TRIB2: variants seen among roughly 807,000 people sequenced by gnomAD.
The protein encoded by TRIB2 is tribbles pseudokinase 2, also known as tribbles homolog 2.
Under a neutral mutation model 26.8 loss-of-function variants are expected in TRIB2, and 2 were observed. That is an observed-to-expected ratio of 0.07 (90% CI 0.03 to 0.24). The LOEUF is 0.24. TRIB2 is among the 10% of genes least tolerant of loss of function. The pLI, the probability that TRIB2 is intolerant of heterozygous loss-of-function variation, is 1.00. For synonymous variants in TRIB2, 189 were observed against 187.3 expected (o/e 1.01, Z -0.08); for missense variants, 306 against 449.0 (o/e 0.68, Z 2.88).
chr2:12,721,866 C>T lies in TRIB2; in HGVS notation c.271-1394C>T, dbSNP rs1572477890. On this transcript the variant is annotated intron_variant, in intron 1 of 2. Transcript: ENST00000155926. ...AACTCATGGATTCTTAAATAGCAGT[C>T]TGTGGCTTTGGATGGGCTTCAGAAA... Among the ~76,000 whole-genome samples, 5 of 152,276 alleles carry T rather than the reference C, an allele frequency of 3.3e-5. 1 individual carries two copies. Among genetic ancestry groups the T allele is most frequent in the Admixed American group, 6.5e-5 (1 of 15,280 alleles).
intron 2 of TRIB2, among the ~76,000 whole-genome samples, chr2:12,726,676 G>A (rs1171906150): frequency 6.6e-6 from 1 of 152,242 alleles, no homozygotes; most frequent in African/African-American, 2.4e-5. Context: ...GTCCCACGGT[G>A]AAAAAGCAAA....
intron 2 of TRIB2, among the ~76,000 whole-genome samples, chr2:12,724,187 G>A (rs1431841267): frequency 6.6e-6 from 1 of 152,178 alleles, no homozygotes; most frequent in African/African-American, 2.4e-5. Context: ...CTCGAAAGAT[G>A]ACTGGATTTC....
chr2:12,729,314 A>G (rs1001446167), intron 2 of TRIB2, among the ~76,000 whole-genome samples: 27 of 152,208 alleles, frequency 1.8e-4, no homozygotes, highest in Non-Finnish European at 2.6e-4. Context: ...TGCTTCTGGA[A>G]CAGGTTGGGC....
In TRIB2 at chr2:12,723,215, C is replaced by T. The variant is rs760389021; in HGVS notation, c.271-45C>T. The T allele has an allele frequency of 5.7e-6, 9 of 1,577,040 alleles. No individual in the cohort carries two copies. In the South Asian group the frequency reaches 9.3e-5, roughly 16 times the overall value. ...TGCAGCATTATGTGTTTTGGTTGTA[C>T]AAGAGGCACCTCTGACTTTGGTCTT... On this transcript the variant is annotated intron_variant, in intron 1 of 2. Coordinates refer to ENST00000155926, the MANE Select transcript of TRIB2 (RefSeq NM_021643.4).
chr2:12,742,729 C>A lies in TRIB2; in HGVS notation c.*1935C>A, dbSNP rs1271324736. The A allele has an allele frequency of 6.6e-6, 1 of 152,468 alleles. No homozygotes were observed. The highest frequency in any genetic ancestry group is 2.1e-4 in the South Asian group (1 of 4,824). 9.4% of individuals were successfully genotyped at this position (152,468 alleles called of 1,614,324 possible). ...AATCAATAAAATTGTGCGTATTTAA[C>A]TAAAATGCTGGAGTCTGGAAAATGA... On this transcript the variant is annotated 3_prime_UTR_variant, in exon 3 of 3. Coordinates refer to ENST00000155926, the MANE Select transcript of TRIB2 (RefSeq NM_021643.4).
At chr2:12,722,649 A>G (rs1661245036) in intron 1 of TRIB2, among the ~76,000 whole-genome samples, 1 of 145,408 alleles carries the variant, frequency 6.9e-6, no homozygotes, top group Non-Finnish European at 1.6e-5. Flanking sequence ...TTCCCTATTC[A>G]GAAGGATTCT....
At position 12,721,059 on chromosome 2, in the gene TRIB2, G is replaced by A. The variant is rs138770066; in HGVS notation, c.271-2201G>A. Among the ~76,000 whole-genome samples, 7 of 152,276 alleles carry A rather than the reference G, an allele frequency of 4.6e-5. No individual in the cohort carries two copies. In the East Asian group the frequency reaches 5.8e-4, roughly 13 times the overall value. ...CCAGGCTTGTGGCTTGATTTTGCAC[G>A]TGAAGATGATGGTTTAAATACCAGT... On this transcript the variant is annotated intron_variant, in intron 1 of 2. Transcript: ENST00000155926.
At chr2:12,739,434 A>C (rs1173870003) in intron 2 of TRIB2, among the ~76,000 whole-genome samples, 3 of 151,966 alleles carry the variant, frequency 2.0e-5, no homozygotes, top group African/African-American at 7.3e-5. Flanking sequence ...TAATTATCGT[A>C]TTTTTAGTAG....
In TRIB2 at chr2:12,717,353, G is replaced by C; in HGVS notation, c.-955G>C. Reference sequence around the variant, plus strand: ...TGCAGCGCCCGCAGGACCCCCGCAAGCTCGTGCCGGCGAAATCGGAGACCG... The same window carrying C: ...TGCAGCGCCCGCAGGACCCCCGCAACCTCGTGCCGGCGAAATCGGAGACCG... On this transcript the variant is annotated 5_prime_UTR_variant, in exon 1 of 3. Coordinates refer to ENST00000155926, the MANE Select transcript of TRIB2 (RefSeq NM_021643.4). The surrounding 1 kb of genome is among the most constrained non-coding windows in gnomAD (Gnocchi z 4.8). 1 of 398,492 alleles carries C rather than the reference G, an allele frequency of 2.5e-6. No homozygotes were observed. The highest frequency in any genetic ancestry group is 4.4e-6 in the Non-Finnish European group (1 of 225,994). 24.7% of individuals were successfully genotyped at this position (398,492 alleles called of 1,614,324 possible). A position where few individuals can be genotyped will look rare whatever the true frequency, so the allele number is the denominator to read the frequency against.
chr2:12,718,321 G>A lies in TRIB2; in HGVS notation c.14G>A (p.Arg5Lys), dbSNP rs781024400. MNIH[R>K]STPITIARYG... ...ATCCTCACACTCATGAACATACACA[G>A]GTCTACCCCCATCACAATAGCGAGA... Residue 5 changes from arginine (R) to lysine (K), a missense_variant, in exon 1 of 3, where the codon AGG becomes AAG. Arg to Lys is a conservative substitution (Grantham distance 26). Transcript: ENST00000155926. This position sits in a 1 kb window ranked among gnomAD's most constrained non-coding sequence, Gnocchi z 4.0. 24 of 1,613,980 alleles carry A rather than the reference G, an allele frequency of 1.5e-5. No homozygotes were observed. The East Asian group carries it at 2.5e-4, about 16-fold the overall frequency.
chr2:12,739,418 C>T (rs1661659868), intron 2 of TRIB2, among the ~76,000 whole-genome samples: 1 of 152,208 alleles, frequency 6.6e-6, no homozygotes, highest in Admixed American at 6.5e-5. Context: ...CACCACCACG[C>T]TCTGCTAATT....
rs150394328 is a variant in TRIB2, at chr2:12,732,129, T to C, written c.564-8197T>C. ...CCTGGCGGCCTGCAGGCTGTGCTTG[T>C]GTGGTGTCTGCATGGGGGCGTGGGA... On this transcript the variant is annotated intron_variant, in intron 2 of 2. Coordinates refer to ENST00000155926, the MANE Select transcript of TRIB2 (RefSeq NM_021643.4). This position sits in a 1 kb window ranked among gnomAD's most constrained non-coding sequence, Gnocchi z 4.2. Among the ~76,000 whole-genome samples, 752 of 152,206 alleles carry C rather than the reference T, an allele frequency of 4.9e-3. 3 individuals carry two copies. The highest frequency in any genetic ancestry group is 0.017 in the African/African-American group (711 of 41,532).
intron 2 of TRIB2, among the ~76,000 whole-genome samples, chr2:12,725,951 G>A (rs1430665416): frequency 6.6e-6 from 1 of 152,218 alleles, no homozygotes. Context: ...TGATCAGTGA[G>A]GTTACTTGGC....
Position 12,718,272 on chromosome 2 carries a change from G to GTT in TRIB2, c.-28_-27dup. On this transcript the variant is annotated 5_prime_UTR_variant, in exon 1 of 3. Transcript: ENST00000155926. This position sits in a 1 kb window ranked among gnomAD's most constrained non-coding sequence, Gnocchi z 4.0. ...CGCCAGCGACTCATCTCTCCAGCGG[G>GTT]TTTTTTTTTGTTTGTCGTGTGCGAT... 6.3e-7 allele frequency: 1 copy of GTT among 1,578,662 alleles called. No individual in the cohort carries two copies. Among genetic ancestry groups the GTT allele is most frequent in the Non-Finnish European group, 8.6e-7 (1 of 1,158,976 alleles).
At position 12,740,941 on chromosome 2, in the gene TRIB2, G is replaced by GTTTTCCTTC; in HGVS notation, c.*147_*148insTTTTCCTTC. On this transcript the variant is annotated 3_prime_UTR_variant, in exon 3 of 3. Coordinates refer to ENST00000155926, the MANE Select transcript of TRIB2 (RefSeq NM_021643.4). The surrounding 1 kb of genome is among the most constrained non-coding windows in gnomAD (Gnocchi z 5.8). ...GGTTCAGAGCAGGAAAACCTTCAAGGAGCTGACTGACCACGTAGCATGGGG... is the reference window on the plus strand; with the variant it reads ...GGTTCAGAGCAGGAAAACCTTCAAGGTTTTCCTTCAGCTGACTGACCACGTAGCATGGGG... The GTTTTCCTTC allele has an allele frequency of 1.3e-6, 1 of 762,926 alleles. No individual in the cohort carries two copies. Among genetic ancestry groups the GTTTTCCTTC allele is most frequent in the East Asian group, 2.7e-5 (1 of 37,052 alleles). The allele number at this position is 762,926 out of a possible 1,614,324, so 47.3% of individuals were successfully genotyped here. A position where few individuals can be genotyped will look rare whatever the true frequency, so the allele number is the denominator to read the frequency against.
In TRIB2 at chr2:12,732,978, C is replaced by T. The variant is rs76558681; in HGVS notation, c.564-7348C>T. Among the ~76,000 whole-genome samples, 143 of 152,360 alleles carry T rather than the reference C, an allele frequency of 9.4e-4. No homozygotes were observed. The highest frequency in any genetic ancestry group is 2.2e-3 in the African/African-American group (92 of 41,590). On this transcript the variant is annotated intron_variant, in intron 2 of 2. Coordinates refer to ENST00000155926, the MANE Select transcript of TRIB2 (RefSeq NM_021643.4). The surrounding 1 kb of genome is among the most constrained non-coding windows in gnomAD (Gnocchi z 4.2). ...CCCATCCCTGCCAGGCCCACTTTGT[C>T]TGGCTGAACTCCCAGCTCAGCCCCA... is the stretch of plus-strand genomic sequence containing the variant.
rs1019598133 is a variant in TRIB2, at chr2:12,741,217, A to C, written c.*423A>C. 1 of 158,876 alleles carries C rather than the reference A, an allele frequency of 6.3e-6. No homozygotes were observed. Among genetic ancestry groups the C allele is most frequent in the East Asian group, 1.9e-4 (1 of 5,348 alleles). The allele number at this position is 158,876 out of a possible 1,614,324, so 9.8% of individuals were successfully genotyped here. A position where few individuals can be genotyped will look rare whatever the true frequency, so the allele number is the denominator to read the frequency against. On this transcript the variant is annotated 3_prime_UTR_variant, in exon 3 of 3. Coordinates refer to ENST00000155926, the MANE Select transcript of TRIB2 (RefSeq NM_021643.4). ...TCAGGGAAGGAACAGTTGGCCAAGA[A>C]TTTTTTTTCTTTTAAACAAGCCAAC...
At chr2:12,731,249 G>T (rs911329816) in intron 2 of TRIB2, among the ~76,000 whole-genome samples, 2 of 152,134 alleles carry the variant, frequency 1.3e-5, no homozygotes, top group African/African-American at 4.8e-5. Flanking sequence ...GTCCCAGAAG[G>T]CATGAGTCAA....
At chr2:12,730,366 A>G (rs1661427882) in intron 2 of TRIB2, among the ~76,000 whole-genome samples, 1 of 152,210 alleles carries the variant, frequency 6.6e-6, no homozygotes, top group Admixed American at 6.5e-5. Flanking sequence ...CCAAGCTTTC[A>G]AATACTAGGT....
Sources: allele counts gnomAD v4.1 joint callset (sites outside exome capture counted in the v4.1 genomes callset), GRCh38; gene constraint gnomAD v4.1.1; non-coding constraint Gnocchi (gnomAD v3.1); transcripts MANE v1.5; gene names NCBI Gene and HGNC (gene_info 2026-07-23, HGNC 2026-07-21).